CEP170: variants seen among roughly 807,000 people sequenced by gnomAD.
The protein encoded by CEP170 is centrosomal protein 170, also known as centrosomal protein of 170 kDa.
A neutral mutation model predicts 151.9 loss-of-function variants in CEP170; 21 were observed. The ratio of observed to expected loss-of-function variants is 0.14; its 90% confidence interval spans 0.10 to 0.20. CEP170 has a LOEUF of 0.20. Among genes scored for constraint, CEP170 ranks in the 10% least tolerant of loss-of-function variants. The probability of loss-of-function intolerance (pLI) is 1.00; values close to 1 mark genes in which losing one functional copy is unlikely to be tolerated. For synonymous variants in CEP170, 356 were observed against 648.8 expected (o/e 0.55, Z 6.86); for missense variants, 964 against 1,892.9 (o/e 0.51, Z 9.11).
At chr1:243,216,420 G>A (rs892059817) in intron 3 of CEP170, among the ~76,000 whole-genome samples, 1 of 126,260 alleles carries the variant, frequency 7.9e-6, no homozygotes, top group Non-Finnish European at 1.6e-5. Flanking sequence ...TGTTCTCATT[G>A]TTCAATTCCA....
intron 10 of CEP170, among the ~76,000 whole-genome samples, chr1:243,180,174 G>A (rs529870436): frequency 6.6e-6 from 1 of 152,284 alleles, no homozygotes; most frequent in African/African-American, 2.4e-5. Context: ...AGCTAGGCAT[G>A]CCAAAAAGAC....
At chr1:243,224,066 T>G (rs905848234) in intron 2 of CEP170, among the ~76,000 whole-genome samples, 1 of 152,222 alleles carries the variant, frequency 6.6e-6, no homozygotes, top group African/African-American at 2.4e-5. Flanking sequence ...CATTTCTATA[T>G]AATCAAATTC....
chr1:243,189,481 A>G (rs563065487), intron 8 of CEP170, among the ~76,000 whole-genome samples: 392 of 150,792 alleles, frequency 2.6e-3, no homozygotes, highest in Non-Finnish European at 3.7e-3. Context: ...GCGTGAACCC[A>G]GGAGGCGGAG....
At chr1:243,208,958 TG>T (rs1259222373) in intron 4 of CEP170, among the ~76,000 whole-genome samples, 2 of 152,002 alleles carry the variant, frequency 1.3e-5, no homozygotes, top group African/African-American at 4.8e-5. Context: ...GCCTCATTTT[TG>T]GCTACCTGAA....
At chr1:243,177,910 A>G (rs2059355481) in intron 10 of CEP170, among the ~76,000 whole-genome samples, 1 of 152,252 alleles carries the variant, frequency 6.6e-6, no homozygotes. Flanking sequence ...AAATAAATAT[A>G]TGTGCATGCA....
At chr1:243,128,503 A>G in intron 18 of CEP170, 1 of 530,928 alleles carries the variant, frequency 1.9e-6, no homozygotes, top group Non-Finnish European at 3.1e-6. Flanking sequence ...AAAATGAAAT[A>G]CAATAACTTT....
chr1:243,150,662 G>C (rs538520017), intron 14 of CEP170, among the ~76,000 whole-genome samples: 19 of 80,768 alleles, frequency 2.4e-4, no homozygotes, highest in Non-Finnish European at 4.2e-4. Context: ...ATTATATCTG[G>C]ATTCTCATAA....
chr1:243,144,624 T>A (rs1264784543), intron 14 of CEP170, among the ~76,000 whole-genome samples: 3 of 152,210 alleles, frequency 2.0e-5, no homozygotes, highest in Non-Finnish European at 4.4e-5. Context: ...ATGCAGACGA[T>A]CTGTACAATG....
intron 14 of CEP170, among the ~76,000 whole-genome samples, chr1:243,150,544 A>C (rs1170742291): frequency 2.0e-5 from 3 of 152,248 alleles, no homozygotes; most frequent in African/African-American, 7.2e-5. Flanking sequence ...TTAATAAATA[A>C]GTTTGGACGG....
intron 7 of CEP170, among the ~76,000 whole-genome samples, chr1:243,193,481 A>C (rs2060445108): frequency 6.6e-6 from 1 of 151,978 alleles, no homozygotes; most frequent in South Asian, 2.1e-4. Context: ...TCCACTATAC[A>C]GAGAGCTAAA....
rs145858516 is a variant in CEP170, at chr1:243,252,262, C to T, written c.-42+2778G>A. Among the ~76,000 whole-genome samples the T allele has an allele frequency of 3.4e-3, 523 of 152,264 alleles. 4 individuals are homozygous for T. Among genetic ancestry groups the T allele is most frequent in the African/African-American group, 0.012 (503 of 41,568 alleles). On this transcript the variant is annotated intron_variant, in intron 1 of 19. Transcript: ENST00000366542. ...AGTTAGCAATTAAATATCAGGTTGT[C>T]TGTCAGATACTTAGTTGAAGAGTAC... is the stretch of plus-strand genomic sequence containing the variant.
At chr1:243,200,316 G>T (rs906581802) in intron 6 of CEP170, among the ~76,000 whole-genome samples, 1 of 152,000 alleles carries the variant, frequency 6.6e-6, no homozygotes, top group Non-Finnish European at 1.5e-5. Context: ...AACATATTAA[G>T]CACACCTATA....
intron 3 of CEP170, among the ~76,000 whole-genome samples, chr1:243,216,150 T>C (rs1399094971): frequency 6.6e-6 from 1 of 152,076 alleles, no homozygotes; most frequent in Admixed American, 6.5e-5. Flanking sequence ...ACCCAACAAG[T>C]TTTTCTTTGA....
intron 14 of CEP170, among the ~76,000 whole-genome samples, chr1:243,149,188 G>A (rs1244173731): frequency 6.6e-6 from 1 of 152,200 alleles, no homozygotes; most frequent in Non-Finnish European, 1.5e-5. Flanking sequence ...AAACTAGACT[G>A]ATGAATATGC....
At chr1:243,136,891 C>G (rs2055152253) in intron 16 of CEP170, among the ~76,000 whole-genome samples, 1 of 151,146 alleles carries the variant, frequency 6.6e-6, no homozygotes, top group African/African-American at 2.4e-5. Flanking sequence ...AGCAAAGAGT[C>G]TAGTGGGAAA....
intron 16 of CEP170, 85 bp downstream of exon 16, chr1:243,139,852 A>T (rs1232939636): frequency 2.1e-6 from 3 of 1,437,814 alleles, no homozygotes; most frequent in Non-Finnish European, 1.8e-6. Flanking sequence ...CTTTTTCCCC[A>T]GCCCTACTCA....
intron 4 of CEP170, among the ~76,000 whole-genome samples, chr1:243,204,210 C>T (rs1451700914): frequency 6.6e-6 from 1 of 152,136 alleles, no homozygotes; most frequent in Admixed American, 6.6e-5. Flanking sequence ...AAAATCTTAA[C>T]TTCTCTGAAT....
chr1:243,216,723 A>G (rs902700271), intron 3 of CEP170, among the ~76,000 whole-genome samples: 5 of 152,208 alleles, frequency 3.3e-5, no homozygotes, highest in Admixed American at 2.0e-4. Context: ...AAGACTCTAG[A>G]TTATATCCTA....
chr1:243,136,145 G>C lies in CEP170; in HGVS notation c.4317C>G (p.Ile1439Met), dbSNP rs1231131415. The change falls in exon 17 of 20, where the codon ATC becomes ATG. Residue 1439 changes from isoleucine (I) to methionine (M), a missense_variant and splice_region_variant. Transcript: ENST00000366542. ...RQSIDKTAGK[I>M]RILFKDKDRN... ...GTTAAAGCTATATGTACATGTACCTGATCTTTCCAGCTGTCTTATCTATAG... is the reference window on the plus strand; with the variant it reads ...GTTAAAGCTATATGTACATGTACCTCATCTTTCCAGCTGTCTTATCTATAG... The C allele has an allele frequency of 1.3e-6, 2 of 1,481,780 alleles. No individual in the cohort carries two copies. The highest frequency in any genetic ancestry group is 1.4e-5 in the African/African-American group (1 of 70,004). The allele number at this position is 1,481,780 out of a possible 1,614,324, so 91.8% of individuals were successfully genotyped here. A position where few individuals can be genotyped will look rare whatever the true frequency, so the allele number is the denominator to read the frequency against.
Sources: allele counts gnomAD v4.1 joint callset (sites outside exome capture counted in the v4.1 genomes callset), GRCh38; gene constraint gnomAD v4.1.1; transcripts MANE v1.5; gene names NCBI Gene and HGNC (gene_info 2026-07-23, HGNC 2026-07-21).